QTMAN: variants seen among roughly 807,000 people sequenced by gnomAD.
The protein encoded by QTMAN is tRNA-queuosine alpha-mannosyltransferase.
chr2:144,217,440 T>C, the QTMAN span, among the ~76,000 whole-genome samples: 1 of 151,904 alleles, frequency 6.6e-6, no homozygotes, highest in Admixed American at 6.6e-5. Context: ...ATTTAAATGA[T>C]ATATATATAA....
chr2:144,066,990 T>C, the QTMAN span, among the ~76,000 whole-genome samples: 2 of 152,190 alleles, frequency 1.3e-5, no homozygotes, highest in African/African-American at 4.8e-5. Flanking sequence ...CACAACTAAT[T>C]CATCAGCATA....
chr2:144,229,272 T>C, the QTMAN span, among the ~76,000 whole-genome samples: 1 of 152,236 alleles, frequency 6.6e-6, no homozygotes, highest in East Asian at 1.9e-4. Flanking sequence ...AAAGATTCAT[T>C]AATTTCAATC....
the QTMAN span, among the ~76,000 whole-genome samples, chr2:144,123,941 T>C: frequency 1.3e-5 from 2 of 152,136 alleles, no homozygotes; most frequent in East Asian, 1.9e-4. Flanking sequence ...CAGATTACTT[T>C]AACCAAACTT....
At chr2:144,147,676 G>A in the QTMAN span, among the ~76,000 whole-genome samples, 1 of 151,544 alleles carries the variant, frequency 6.6e-6, no homozygotes, top group East Asian at 1.9e-4. Context: ...TCACACACAA[G>A]GCAGAAAAAT....
chr2:144,285,504 T>C, the QTMAN span, among the ~76,000 whole-genome samples: 1 of 152,156 alleles, frequency 6.6e-6, no homozygotes, highest in Non-Finnish European at 1.5e-5. Context: ...TAAGTAACTG[T>C]CCCTCTGTCA....
chr2:144,026,489 A>G, the QTMAN span, among the ~76,000 whole-genome samples: 6 of 152,192 alleles, frequency 3.9e-5, no homozygotes, highest in African/African-American at 1.4e-4. Flanking sequence ...TAAATAAAGT[A>G]TCACAAATTT....
the QTMAN span, among the ~76,000 whole-genome samples, chr2:144,020,977 C>G: frequency 1.9e-4 from 28 of 145,242 alleles, no homozygotes; most frequent in Non-Finnish European, 4.6e-5. Flanking sequence ...GAAAGCAGAA[C>G]AAAAACAAAA....
the QTMAN span, among the ~76,000 whole-genome samples, chr2:143,970,066 G>A: frequency 1.3e-5 from 2 of 152,198 alleles, no homozygotes; most frequent in African/African-American, 4.8e-5. Flanking sequence ...AATGTGAACT[G>A]TGAGGATGCA....
the QTMAN span, among the ~76,000 whole-genome samples, chr2:144,276,701 C>T: frequency 1.6e-4 from 24 of 152,236 alleles, no homozygotes; most frequent in Non-Finnish European, 2.9e-4. Context: ...AGGGAAACGA[C>T]AATGATAAAC....
At chr2:144,256,242 G>A in the QTMAN span, among the ~76,000 whole-genome samples, 3 of 152,120 alleles carry the variant, frequency 2.0e-5, no homozygotes, top group Admixed American at 2.0e-4. Flanking sequence ...GGCTTCCCAT[G>A]TTGAGAAGCA....
chr2:144,106,464 T>G, the QTMAN span, among the ~76,000 whole-genome samples: 1 of 152,148 alleles, frequency 6.6e-6, no homozygotes, highest in Non-Finnish European at 1.5e-5. Flanking sequence ...TCCTAGTCTC[T>G]GATAAAACAG....
chr2:144,304,953 CTTGA>C, the QTMAN span, among the ~76,000 whole-genome samples: 3 of 152,042 alleles, frequency 2.0e-5, no homozygotes, highest in African/African-American at 7.2e-5. Context: ...TTTGAATTGT[CTTGA>C]TTATTGAATT....
At chr2:144,259,046 T>C in the QTMAN span, among the ~76,000 whole-genome samples, 1 of 152,194 alleles carries the variant, frequency 6.6e-6, no homozygotes, top group African/African-American at 2.4e-5. Context: ...AGTTATTCCT[T>C]TTCTGATCAT....
At chr2:143,969,788 C>T in the QTMAN span, among the ~76,000 whole-genome samples, 6 of 152,098 alleles carry the variant, frequency 3.9e-5, no homozygotes, top group South Asian at 1.2e-3. Context: ...ACAGCTGCAG[C>T]GGGCAAAAGA....
chr2:144,094,668 C>T, the QTMAN span, among the ~76,000 whole-genome samples: 9 of 152,332 alleles, frequency 5.9e-5, no homozygotes, highest in Admixed American at 2.6e-4. Context: ...CAATGATCTT[C>T]ACCTGGTCCT....
the QTMAN span, among the ~76,000 whole-genome samples, chr2:144,226,900 C>A: frequency 6.6e-6 from 1 of 152,074 alleles, no homozygotes; most frequent in Non-Finnish European, 1.5e-5. Context: ...ATTCCTTCTG[C>A]AGATTTTAAA....
the QTMAN span, among the ~76,000 whole-genome samples, chr2:144,125,938 A>C: frequency 2.0e-5 from 3 of 152,056 alleles, no homozygotes; most frequent in Non-Finnish European, 4.4e-5. Flanking sequence ...CAAGAAAAAC[A>C]GTGAAGAGAA....
chr2:144,176,409 C>T, the QTMAN span, among the ~76,000 whole-genome samples: 1 of 151,920 alleles, frequency 6.6e-6, no homozygotes, highest in Non-Finnish European at 1.5e-5. Context: ...CAGTATCATA[C>T]TTGGGAAGAA....
chr2:143,989,312 C>T, the QTMAN span, among the ~76,000 whole-genome samples: 1 of 151,864 alleles, frequency 6.6e-6, no homozygotes, highest in East Asian at 1.9e-4. Flanking sequence ...AATCATAAAG[C>T]TAAAATACTA....
Sources: allele counts gnomAD v4.1 joint callset (sites outside exome capture counted in the v4.1 genomes callset), GRCh38; gene constraint gnomAD v4.1.1; transcripts MANE v1.5; gene names NCBI Gene and HGNC (gene_info 2026-07-23, HGNC 2026-07-21).